The following LAMA2 variants were observed in gnomAD, a reference collection of about 807,000 sequenced individuals.
The protein encoded by LAMA2 is laminin subunit alpha-2.
A neutral mutation model predicts 364.8 loss-of-function variants in LAMA2; 269 were observed. The ratio of observed to expected loss-of-function variants is 0.74; its 90% confidence interval spans 0.67 to 0.82. The LOEUF (loss-of-function observed/expected upper bound fraction) is 0.82, where lower values mean the gene tolerates loss of function less well. LAMA2 is among the 40% of genes least tolerant of loss of function. LAMA2 has a pLI of 0.00. For missense variants in LAMA2, 3,807 were observed against 3,873.2 expected (o/e 0.98, Z 0.45); for synonymous variants, 1,379 against 1,370.6 (o/e 1.01, Z -0.14).
In LAMA2 at chr6:129,438,661, T is replaced by C. The variant is rs983616957; in HGVS notation, c.5984T>C (p.Leu1995Pro). ...ANDVKENEDH[L>P]NGLKTRIENA... ...TTATTCGCAGAAAATGAAGACCATC[T>C]AAATGGCTTAAAAACCAGGATAGAA... Residue 1995 changes from leucine to proline, a missense_variant, in exon 42 of 65, where the codon CTA (leucine) becomes CCA (proline). Leu to Pro is a moderately conservative substitution (Grantham distance 98). Coordinates refer to ENST00000421865, the MANE Select transcript of LAMA2 (RefSeq NM_000426.4). The C allele has an allele frequency of 3.1e-6, 5 of 1,591,570 alleles. No homozygotes were observed. In the African/African-American group the frequency reaches 6.7e-5, roughly 21 times the overall value.
rs1463982676 is a variant in LAMA2 at position 128,968,713 on chromosome 6, A to G, written c.113-81205A>G. Among the ~76,000 whole-genome samples, 3 of 152,236 alleles carry G rather than the reference A, an allele frequency of 2.0e-5. No individual in the cohort carries two copies. In the East Asian group the frequency reaches 5.8e-4, roughly 29 times the overall value. On this transcript the variant is annotated intron_variant, in intron 1 of 64. Coordinates refer to ENST00000421865, the MANE Select transcript of LAMA2 (RefSeq NM_000426.4). ...TTGAGGAACAGAAACAAGGCCCTAA[A>G]GGCTCTAATATTGTGAGCCAGGATA...
At chr6:129,237,279 G>A (rs1475761991) in intron 12 of LAMA2, among the ~76,000 whole-genome samples, 14 of 152,004 alleles carry the variant, frequency 9.2e-5, no homozygotes, top group Admixed American at 3.9e-4. Context: ...ATTGATGGAC[G>A]TACGGACATT....
intron 1 of LAMA2, among the ~76,000 whole-genome samples, chr6:129,045,044 A>T (rs1166346646): frequency 6.6e-6 from 1 of 152,200 alleles, no homozygotes; most frequent in East Asian, 1.9e-4. Context: ...TCAGATATTG[A>T]TTCATTCTTC....
At chr6:129,187,133 T>C (rs1047237755) in intron 10 of LAMA2, among the ~76,000 whole-genome samples, 4 of 151,756 alleles carry the variant, frequency 2.6e-5, no homozygotes, top group East Asian at 1.9e-4. Context: ...AGAATATTCA[T>C]GTCAAGAGGA....
At chr6:129,297,563 A>T in intron 20 of LAMA2, 122 bp from the exon 21 acceptor site, 1 of 851,300 alleles carries the variant, frequency 1.2e-6, no homozygotes, top group Non-Finnish European at 1.9e-6. Flanking sequence ...TCATAACATC[A>T]GTGAGGAATC....
rs138794030 is a variant in LAMA2 at position 129,318,777 on chromosome 6, A to G, written c.4059-1761A>G. ...GCAGATTACAATGCTAGCAAAGAAC[A>G]TGCATTCATAATTCAGTTTCAATAA... On this transcript the variant is annotated intron_variant, in intron 27 of 64. Transcript: ENST00000421865. 3.9e-3 allele frequency among the ~76,000 whole-genome samples: 587 copies of G among 152,360 alleles called. 5 individuals are homozygous for G. The highest frequency in any genetic ancestry group is 0.013 in the African/African-American group (544 of 41,584).
chr6:129,442,804 A>G (rs1782184511), intron 43 of LAMA2: 1 of 490,028 alleles, frequency 2.0e-6, no homozygotes, highest in Non-Finnish European at 3.7e-6. Flanking sequence ...ATCTATAAAT[A>G]TTAATTAAAT....
rs1219061592 is a variant in LAMA2, at chr6:129,349,279, C to G, written c.4437-19C>G. The G allele has an allele frequency of 5.6e-6, 9 of 1,603,644 alleles. No individual in the cohort carries two copies. Among genetic ancestry groups the G allele is most frequent in the Non-Finnish European group, 5.1e-6 (6 of 1,170,936 alleles). On this transcript the variant is annotated intron_variant, in intron 30 of 64. Coordinates refer to ENST00000421865, the MANE Select transcript of LAMA2 (RefSeq NM_000426.4). ...AAATGGATTAAACTTTTTTTGCAAT[C>G]CTTTTCTTTCTGATTCAGTTTCAGC...
intron 41 of LAMA2, among the ~76,000 whole-genome samples, chr6:129,433,088 A>C (rs1407400080): frequency 2.0e-5 from 3 of 152,198 alleles, no homozygotes; most frequent in Non-Finnish European, 4.4e-5. Flanking sequence ...AATCAGATAT[A>C]CAGCACATCC....
At chr6:128,948,956 G>A (rs895119287) in intron 1 of LAMA2, among the ~76,000 whole-genome samples, 4 of 152,114 alleles carry the variant, frequency 2.6e-5, no homozygotes, top group Non-Finnish European at 1.5e-5. Context: ...AGCCTCAGAT[G>A]TTTCTTAAAA....
At chr6:129,068,824 A>C (rs982024003) in intron 3 of LAMA2, among the ~76,000 whole-genome samples, 2 of 152,186 alleles carry the variant, frequency 1.3e-5, no homozygotes, top group South Asian at 4.1e-4. Context: ...GTAACAGAGA[A>C]GTCTGGGACT....
chr6:129,472,022 T>A (rs1018958565), intron 51 of LAMA2, among the ~76,000 whole-genome samples: 4 of 151,966 alleles, frequency 2.6e-5, no homozygotes, highest in African/African-American at 9.7e-5. Context: ...GTGAAAATAA[T>A]AGTATTTCGT....
rs955587367 is a variant in LAMA2, at chr6:129,312,057, G to A, written c.3175-804G>A. Among the ~76,000 whole-genome samples the A allele has an allele frequency of 2.0e-5, 3 of 151,974 alleles. No individual in the cohort carries two copies. In the East Asian group the frequency reaches 5.8e-4, roughly 29 times the overall value. ...AGAAAATTGATTAATTAGAACAGAT[G>A]TAAAAATCAAAAACAAATCTGAAGA... On this transcript the variant is annotated intron_variant, in intron 22 of 64. Coordinates refer to ENST00000421865, the MANE Select transcript of LAMA2 (RefSeq NM_000426.4).
At chr6:129,313,836 C>A (rs1379487815) in intron 23 of LAMA2, among the ~76,000 whole-genome samples, 3 of 152,162 alleles carry the variant, frequency 2.0e-5, no homozygotes, top group Admixed American at 2.0e-4. Flanking sequence ...AGGAAAATGG[C>A]AGTTTCTACC....
intron 1 of LAMA2, among the ~76,000 whole-genome samples, chr6:128,917,909 T>C (rs1249003591): frequency 6.6e-6 from 1 of 151,194 alleles, no homozygotes; most frequent in African/African-American, 2.4e-5. Flanking sequence ...AATTTTTCTA[T>C]TTTTTTTGTA....
chr6:129,050,577 C>A (rs1451477802), intron 2 of LAMA2, among the ~76,000 whole-genome samples: 1 of 151,944 alleles, frequency 6.6e-6, no homozygotes, highest in Admixed American at 6.6e-5. Flanking sequence ...CCAGAAGGAG[C>A]GATATCCAAG....
intron 1 of LAMA2, among the ~76,000 whole-genome samples, chr6:129,028,281 A>G (rs1429793213): frequency 6.6e-6 from 1 of 151,880 alleles, no homozygotes; most frequent in Non-Finnish European, 1.5e-5. Flanking sequence ...CTCATATTGT[A>G]TATCAGCCAT....
intron 7 of LAMA2, 70 bp downstream of exon 7, chr6:129,149,166 T>C: frequency 1.1e-6 from 1 of 940,172 alleles, no homozygotes; most frequent in Non-Finnish European, 1.8e-6. Flanking sequence ...TAATGAAAAA[T>C]AGTGAAATGG....
intron 1 of LAMA2, among the ~76,000 whole-genome samples, chr6:129,033,497 A>G (rs1786384822): frequency 6.6e-6 from 1 of 152,170 alleles, no homozygotes. Context: ...TAGCATAGCA[A>G]TTAGTTTAGA....
Sources: gnomAD v4.1 joint callset for allele counts (sites outside exome capture counted in the v4.1 genomes callset) on GRCh38, gnomAD v4.1.1 for gene constraint, MANE v1.5 for transcripts, NCBI Gene and HGNC (gene_info 2026-07-23, HGNC 2026-07-21) for gene names.